Variants in ZNF518A observed in about 807,000 individuals in gnomAD.
The protein encoded by ZNF518A is zinc finger protein 518A.
A neutral mutation model predicts 102.7 loss-of-function variants in ZNF518A; 47 were observed. That is an observed-to-expected ratio of 0.46 (90% CI 0.36 to 0.58). The LOEUF is 0.58. Ranked by LOEUF, ZNF518A falls within the 20% of genes least tolerant of loss-of-function variation. ZNF518A has a pLI of 0.00. For missense variants in ZNF518A, 1,793 were observed against 1,699.8 expected, an observed-to-expected ratio of 1.05 and a Z score of -0.96; for synonymous variants, 652 against 594.6, an observed-to-expected ratio of 1.10 and a Z score of -1.40.
intron 1 of ZNF518A, among the ~76,000 whole-genome samples, chr10:96,192,275 T>G (rs970676362): frequency 6.6e-6 from 1 of 152,194 alleles, no homozygotes; most frequent in Non-Finnish European, 1.5e-5. Flanking sequence ...TGGACTTTGC[T>G]GTATTAAGTA....
intron 1 of ZNF518A, among the ~76,000 whole-genome samples, chr10:96,186,853 T>C (rs1331592504): frequency 6.6e-6 from 1 of 152,232 alleles, no homozygotes; most frequent in Non-Finnish European, 1.5e-5. Context: ...TCTCGTCTAA[T>C]GGAGGAGTTA....
At chr10:96,168,934 A>G (rs912573394) in intron 1 of ZNF518A, among the ~76,000 whole-genome samples, 4 of 152,140 alleles carry the variant, frequency 2.6e-5, no homozygotes, top group African/African-American at 9.7e-5. Flanking sequence ...TAAATTTGAG[A>G]GGTTTTCAGT....
At chr10:96,145,946 T>G (rs1201610060) in intron 3 of ZNF518A, among the ~76,000 whole-genome samples, 1 of 152,190 alleles carries the variant, frequency 6.6e-6, no homozygotes, top group Non-Finnish European at 1.5e-5. Context: ...TAAGACAGCA[T>G]TTTATGAAAC....
At chr10:96,197,643 A>C (rs868913369) in intron 1 of ZNF518A, among the ~76,000 whole-genome samples, 1 of 152,220 alleles carries the variant, frequency 6.6e-6, no homozygotes, top group Non-Finnish European at 1.5e-5. Flanking sequence ...GTACTATAAG[A>C]AGAAAACAGA....
rs371430895 is a variant in ZNF518A at position 96,157,603 on chromosome 10, A to G, written c.1281A>G (p.Val427=). The G allele has an allele frequency of 5.0e-6, 8 of 1,613,714 alleles. No individual in the cohort carries two copies. In the African/African-American group the frequency reaches 1.1e-4, roughly 22 times the overall value. Residue 427 remains valine, a synonymous_variant, in exon 6 of 6, where the codon GTA becomes GTG. Coordinates refer to ENST00000316045, the MANE Select transcript of ZNF518A (RefSeq NM_001330736.2). ...TACTAGGACCTACACTGAAAAATGT[A>G]ATGATGAAAAATAATAAACTAGCAG... is the stretch of plus-strand genomic sequence containing the variant. The part of the protein sequence containing the change: ...TAVLGPTLKN[V]MMKNNKLAVS...
chr10:96,164,626 TTC>T (rs2083106549), downstream of ZNF518A, among the ~76,000 whole-genome samples: 1 of 152,242 alleles, frequency 6.6e-6, no homozygotes, highest in African/African-American at 2.4e-5. Flanking sequence ...TTAACAAAGC[TTC>T]TGTTAATGCC....
chr10:96,191,825 T>C, intron 1 of ZNF518A: 7 of 1,064,360 alleles, frequency 6.6e-6, no homozygotes, highest in Non-Finnish European at 9.8e-6. Context: ...TAAAAAGAAA[T>C]GGATGACCAC....
chr10:96,132,850 G>A (rs958963739), intron 2 of ZNF518A, 180 bp downstream of exon 2: 1 of 151,942 alleles, frequency 6.6e-6, no homozygotes, highest in African/African-American at 2.4e-5. Flanking sequence ...GAACATTTTG[G>A]ATTTTGAATT....
At chr10:96,132,745 A>G (rs1255533848) in intron 2 of ZNF518A, 75 bp downstream of exon 2, 5 of 152,088 alleles carry the variant, frequency 3.3e-5, no homozygotes, top group Non-Finnish European at 5.9e-5. Flanking sequence ...ATTGGACTAA[A>G]TAAAGTAAAA....
chr10:96,183,249 G>T (rs1418463885), intron 1 of ZNF518A, among the ~76,000 whole-genome samples: 1 of 151,838 alleles, frequency 6.6e-6, no homozygotes, highest in Non-Finnish European at 1.5e-5. Flanking sequence ...CAATTTTGTT[G>T]ATCTTTTCAA....
chr10:96,198,204 A>T (rs2133937329), intron 1 of ZNF518A, among the ~76,000 whole-genome samples: 1 of 152,246 alleles, frequency 6.6e-6, no homozygotes, highest in South Asian at 2.1e-4. Flanking sequence ...AGGTGTGGAA[A>T]CAACCAGGAG....
At chr10:96,187,884 G>A (rs1401892077) in intron 1 of ZNF518A, among the ~76,000 whole-genome samples, 1 of 152,170 alleles carries the variant, frequency 6.6e-6, no homozygotes, top group Non-Finnish European at 1.5e-5. Flanking sequence ...CTCACTCTGT[G>A]GCCCAGGCCA....
chr10:96,179,413 G>T (rs1221481820), intron 1 of ZNF518A, among the ~76,000 whole-genome samples: 1 of 152,054 alleles, frequency 6.6e-6, no homozygotes, highest in Non-Finnish European at 1.5e-5. Context: ...GCTAATTAAA[G>T]CCACAATAAG....
chr10:96,178,564 TA>T (rs2083219254), intron 1 of ZNF518A, among the ~76,000 whole-genome samples: 1 of 151,936 alleles, frequency 6.6e-6, no homozygotes, highest in Non-Finnish European at 1.5e-5. Flanking sequence ...AAGAGCAAAT[TA>T]AACCTAAAAT....
Position 96,156,058 on chromosome 10 carries a change from C to T in ZNF518A, c.-127+11C>T. On this transcript the variant is annotated intron_variant, in intron 5 of 5. Coordinates refer to ENST00000316045, the MANE Select transcript of ZNF518A (RefSeq NM_001330736.2). ...AACTATTACTTCTTGGTAAGCTGTTCTTAAAATACTTAAAAAGTCTTTTGT... is the reference window on the plus strand; with the variant it reads ...AACTATTACTTCTTGGTAAGCTGTTTTTAAAATACTTAAAAAGTCTTTTGT... The T allele has an allele frequency of 4.8e-6, 1 of 206,492 alleles. No homozygotes were observed. The highest frequency in any genetic ancestry group is 9.6e-6 in the Non-Finnish European group (1 of 104,702). The allele number at this position is 206,492 out of a possible 1,614,324, so 12.8% of individuals were successfully genotyped here. A position where few individuals can be genotyped will look rare whatever the true frequency, so the allele number is the denominator to read the frequency against.
intron 1 of ZNF518A, among the ~76,000 whole-genome samples, chr10:96,187,498 C>T (rs1172029481): frequency 6.6e-6 from 1 of 152,212 alleles, no homozygotes; most frequent in Non-Finnish European, 1.5e-5. Flanking sequence ...ATCCCAGCTA[C>T]TACAGTAAGA....
intron 3 of ZNF518A, among the ~76,000 whole-genome samples, chr10:96,141,831 C>T (rs1423567926): frequency 6.6e-6 from 1 of 151,404 alleles, no homozygotes; most frequent in Non-Finnish European, 1.5e-5. Flanking sequence ...CCTCTGCCAC[C>T]CAGGTTTAAG....
intron 1 of ZNF518A, among the ~76,000 whole-genome samples, chr10:96,183,077 C>A (rs2083249500): frequency 6.6e-6 from 1 of 152,132 alleles, no homozygotes; most frequent in Non-Finnish European, 1.5e-5. Flanking sequence ...GGAATTTATC[C>A]ATTTCTTCTA....
rs782039445 is a variant in ZNF518A, at chr10:96,159,851, A to G, written c.3529A>G (p.Asn1177Asp). ...ATTGCAAAAAGACAACGTACCATCT[A>G]ATCAGATTATAGGAGGAGAGCAGAA... ...SSLQKDNVPS[N>D]QIIGGEQKEP... Residue 1177 changes from asparagine to aspartate, a missense_variant, in exon 6 of 6, where the codon AAT becomes GAT. Physicochemically the swap from Asn to Asp is conservative, Grantham distance 23. Around this residue, in one of 3 missense-constraint regions of ZNF518A, gnomAD observed 1,741 missense variants for 1,622.6 expected, o/e 1.07. Transcript: ENST00000316045. 9.9e-6 allele frequency: 16 copies of G among 1,613,480 alleles called. No individual in the cohort carries two copies. The highest frequency in any genetic ancestry group is 1.3e-5 in the African/African-American group (1 of 74,912).
Sources: gnomAD v4.1 joint callset for allele counts (sites outside exome capture counted in the v4.1 genomes callset) on GRCh38, gnomAD v4.1.1 for gene constraint, gnomAD v4.1.1 regional missense constraint, MANE v1.5 for transcripts, NCBI Gene and HGNC (gene_info 2026-07-23, HGNC 2026-07-21) for gene names.